CES5A: variants seen among roughly 807,000 people sequenced by gnomAD.
The protein encoded by CES5A is carboxylesterase 5.
Under a neutral mutation model 62.9 loss-of-function variants are expected in CES5A, and 67 were observed. That is an observed-to-expected ratio of 1.07 (90% CI 0.88 to 1.31). The LOEUF is 1.31. Ranked by LOEUF, CES5A falls within the 50% of genes most tolerant of loss-of-function variation. The pLI, the probability that CES5A is intolerant of heterozygous loss-of-function variation, is 0.00. For synonymous variants in CES5A, 296 were observed against 280.8 expected, an observed-to-expected ratio of 1.05 and a Z score of -0.54; for missense variants, 748 against 708.5, an observed-to-expected ratio of 1.06 and a Z score of -0.63.
upstream of CES5A, among the ~76,000 whole-genome samples, chr16:55,877,467 T>C: frequency 3.2e-5 from 1 of 31,088 alleles, no homozygotes; most frequent in Non-Finnish European, 7.7e-5. Flanking sequence ...TGTGTGTGTG[T>C]ATATATATAT....
At chr16:55,875,503 A>G (rs780182781), upstream of CES5A, 36 of 628,628 alleles carry the variant, frequency 5.7e-5, no homozygotes, top group Middle Eastern at 4.5e-4. Context: ...AACAGAAAAG[A>G]CATTCCAGAC....
At chr16:55,917,698 A>G (rs1242819089) in intron 1 of CES5A, among the ~76,000 whole-genome samples, 2 of 152,162 alleles carry the variant, frequency 1.3e-5, no homozygotes, top group African/African-American at 4.8e-5. Context: ...CTCAGGTTCC[A>G]TCACCTCTGC....
At chr16:55,872,040 A>G (rs2033600645) in intron 2 of CES5A, among the ~76,000 whole-genome samples, 1 of 151,966 alleles carries the variant, frequency 6.6e-6, no homozygotes. Flanking sequence ...TGCCTACACC[A>G]CCCTCCTATG....
intron 1 of CES5A, among the ~76,000 whole-genome samples, chr16:55,889,036 C>G (rs530672696): frequency 2.0e-5 from 3 of 151,838 alleles, no homozygotes; most frequent in Non-Finnish European, 4.4e-5. Flanking sequence ...GGGAGCTTTA[C>G]TCAAAAGTAG....
At position 55,852,921 on chromosome 16, in the gene CES5A, G is replaced by C. The variant is rs2033161060; in HGVS notation, c.1233C>G (p.Phe411Leu). 1.2e-6 allele frequency: 2 copies of C among 1,614,038 alleles called. No individual in the cohort carries two copies. The highest frequency in any genetic ancestry group is 1.7e-6 in the Non-Finnish European group (2 of 1,180,028). Residue 411 changes from phenylalanine (F) to leucine (L), a missense_variant, in exon 10 of 13, where the codon TTC (phenylalanine) becomes TTG (leucine). Physicochemically the swap from Phe to Leu is conservative, Grantham distance 22. Transcript: ENST00000290567. ...CTGTGATCAGTGCAGGGACCACAAA[G>C]AACACATCTCCAAGCAAGTCCAGAA... The part of the protein sequence containing the change: ...DSLLDLLGDV[F>L]FVVPALITAR...
intron 1 of CES5A, among the ~76,000 whole-genome samples, chr16:55,892,051 C>T (rs561553738): frequency 1.3e-5 from 2 of 152,212 alleles, no homozygotes; most frequent in Non-Finnish European, 2.9e-5. Flanking sequence ...AGTCTAGCAC[C>T]TTTTAAAGGC....
At chr16:55,910,355 C>G (rs1327305082) in intron 1 of CES5A, among the ~76,000 whole-genome samples, 1 of 152,206 alleles carries the variant, frequency 6.6e-6, no homozygotes, top group African/African-American at 2.4e-5. Context: ...CCCCAGCTCT[C>G]CCAGTCCTCT....
At chr16:55,947,626 T>TG (rs1383805495) in intron 2 of CES5A, among the ~76,000 whole-genome samples, 1 of 151,982 alleles carries the variant, frequency 6.6e-6, no homozygotes, top group Non-Finnish European at 1.5e-5. Context: ...GTGCCAAAGT[T>TG]GGGGTTGTAG....
intron 1 of CES5A, among the ~76,000 whole-genome samples, chr16:55,909,851 G>A (rs546138792): frequency 9.9e-5 from 15 of 152,278 alleles, no homozygotes; most frequent in African/African-American, 3.4e-4. Flanking sequence ...TCCTCAAAAT[G>A]AGGGATCTGG....
At chr16:55,861,228 C>T (rs2033343798) in intron 7 of CES5A, among the ~76,000 whole-genome samples, 184 bp downstream of exon 7, 1 of 152,230 alleles carries the variant, frequency 6.6e-6, no homozygotes, top group Admixed American at 6.5e-5. Context: ...CCTGCCCCAA[C>T]AATTTTCTTA....
rs142947180 is a variant in CES5A at position 55,899,442 on chromosome 16, A to C, written c.-255-25405T>G. On this transcript the variant is annotated intron_variant, in intron 1 of 12. Coordinates refer to the CES5A transcript ENST00000518005. Reference sequence around the variant, plus strand: ...CTCAAGAGGCCCCATGAAAAATCCAACTTGGAAAGAGGATCCTGGATTCAC... The same window carrying C: ...CTCAAGAGGCCCCATGAAAAATCCACCTTGGAAAGAGGATCCTGGATTCAC... Among the ~76,000 whole-genome samples the C allele has an allele frequency of 1.2e-3, 181 of 152,292 alleles. 1 individual carries two copies. The highest frequency in any genetic ancestry group is 3.9e-3 in the African/African-American group (161 of 41,566).
chr16:55,953,329 G>T (rs550803109), intron 1 of CES5A, among the ~76,000 whole-genome samples: 2 of 152,112 alleles, frequency 1.3e-5, no homozygotes, highest in Admixed American at 1.3e-4. Flanking sequence ...GAAAGCTTAC[G>T]TAAAGACAAG....
rs540670280 is a variant in CES5A at position 55,952,990 on chromosome 16, A to G, written c.42+2854T>C. ...GAACAAGCCAATATTGTTTATGAGC[A>G]AAGATACAAAAATTCTATCTAAAGT... On this transcript the variant is annotated intron_variant, in intron 1 of 13. Coordinates refer to the CES5A transcript ENST00000521992. 5.9e-5 allele frequency among the ~76,000 whole-genome samples: 9 copies of G among 152,332 alleles called. No individual in the cohort carries two copies. The South Asian group carries it at 1.7e-3, about 28-fold the overall frequency.
intron 1 of CES5A, among the ~76,000 whole-genome samples, chr16:55,914,446 T>A (rs1397328008): frequency 6.6e-6 from 1 of 152,060 alleles, no homozygotes; most frequent in African/African-American, 2.4e-5. Flanking sequence ...TAGTAGGTGG[T>A]GGGTGGGGGT....
intron 5 of CES5A, among the ~76,000 whole-genome samples, chr16:55,864,212 T>C (rs1212705630): frequency 4.6e-5 from 7 of 152,174 alleles, no homozygotes; most frequent in South Asian, 2.1e-4. Context: ...TGTTATAATA[T>C]ATGAAAAGTT....
At chr16:55,941,304 G>A (rs576940445) in intron 2 of CES5A, among the ~76,000 whole-genome samples, 4 of 152,038 alleles carry the variant, frequency 2.6e-5, no homozygotes, top group East Asian at 3.9e-4. Context: ...AGATTGCAAG[G>A]CAACACACAA....
chr16:55,877,410 G>T (rs1414511481), upstream of CES5A, among the ~76,000 whole-genome samples: 2 of 148,200 alleles, frequency 1.3e-5, no homozygotes, highest in Admixed American at 1.4e-4. Flanking sequence ...GTATACATAT[G>T]TGTGTGTGTG....
chr16:55,911,165 C>T (rs1389799161), intron 1 of CES5A, among the ~76,000 whole-genome samples: 1 of 152,160 alleles, frequency 6.6e-6, no homozygotes, highest in Non-Finnish European at 1.5e-5. Context: ...TCTTGTTGCT[C>T]TGCCCCAGCC....
intron 2 of CES5A, among the ~76,000 whole-genome samples, chr16:55,934,429 C>A (rs558199432): frequency 6.6e-6 from 1 of 152,262 alleles, no homozygotes; most frequent in East Asian, 1.9e-4. Context: ...CAGTAAATAT[C>A]TATTAATTTA....
Sources: gnomAD v4.1 joint callset for allele counts (sites outside exome capture counted in the v4.1 genomes callset) on GRCh38, gnomAD v4.1.1 for gene constraint, MANE v1.5 for transcripts, NCBI Gene and HGNC (gene_info 2026-07-23, HGNC 2026-07-21) for gene names.